ESRRG: variants seen among roughly 807,000 people sequenced by gnomAD.
The protein encoded by ESRRG is estrogen related receptor gamma, also known as estrogen-related receptor gamma.
In ESRRG, 13 loss-of-function variants were observed where a neutral mutation model predicts 44.0. That is an observed-to-expected ratio of 0.30 (90% CI 0.19 to 0.47). The LOEUF (loss-of-function observed/expected upper bound fraction) is 0.47, where lower values mean the gene tolerates loss of function less well. Among genes scored for constraint, ESRRG ranks in the 20% least tolerant of loss-of-function variants. The pLI, the probability that ESRRG is intolerant of heterozygous loss-of-function variation, is 1.00. For synonymous variants in ESRRG, 215 were observed against 214.6 expected, an observed-to-expected ratio of 1.00 and a Z score of -0.02; for missense variants, 395 against 580.6, an observed-to-expected ratio of 0.68 and a Z score of 3.29.
intron 3 of ESRRG, among the ~76,000 whole-genome samples, chr1:216,634,858 A>G (rs2064978829): frequency 6.6e-6 from 1 of 152,236 alleles, no homozygotes; most frequent in East Asian, 1.9e-4. Flanking sequence ...CATTATACAT[A>G]CAGAAAAAGA....
chr1:216,768,373 A>T (rs2093192462), intron 2 of ESRRG, among the ~76,000 whole-genome samples: 7 of 152,160 alleles, frequency 4.6e-5, no homozygotes, highest in Admixed American at 2.6e-4. Flanking sequence ...TCTTGGAGAA[A>T]GGATAAATCA....
At chr1:216,670,689 C>T (rs1222155188) in intron 2 of ESRRG, among the ~76,000 whole-genome samples, 1 of 152,156 alleles carries the variant, frequency 6.6e-6, no homozygotes, top group Non-Finnish European at 1.5e-5. Flanking sequence ...CTAAACTGCC[C>T]TTCTGGTGTG....
At chr1:217,009,018 T>C (rs2078158838) in intron 1 of ESRRG, among the ~76,000 whole-genome samples, 1 of 152,194 alleles carries the variant, frequency 6.6e-6, no homozygotes, top group Non-Finnish European at 1.5e-5. Flanking sequence ...AGAAATTTAT[T>C]TGGAAGCAGT....
intron 2 of ESRRG, among the ~76,000 whole-genome samples, chr1:216,827,483 C>G (rs1193853203): frequency 6.6e-6 from 1 of 152,156 alleles, no homozygotes; most frequent in Non-Finnish European, 1.5e-5. Context: ...GTAATTCAGC[C>G]TCCCCATTTC....
chr1:217,043,649 A>G (rs2084289967), intron 1 of ESRRG, among the ~76,000 whole-genome samples: 1 of 1,108 alleles, frequency 9.0e-4, no homozygotes, highest in African/African-American at 3.9e-3. Flanking sequence ...GCAAAGAATA[A>G]TGGGGATTTT....
At chr1:216,699,418 C>T (rs139489698) in intron 1 of ESRRG, among the ~76,000 whole-genome samples, 72 of 152,210 alleles carry the variant, frequency 4.7e-4, no homozygotes, top group African/African-American at 1.6e-3. Flanking sequence ...ATCATAATAA[C>T]CTGCCGGCTG....
intron 1 of ESRRG, among the ~76,000 whole-genome samples, chr1:217,052,979 C>T (rs916519796): frequency 2.0e-5 from 3 of 151,982 alleles, no homozygotes; most frequent in Non-Finnish European, 2.9e-5. Context: ...TTTCAACTTC[C>T]TTCATTCATT....
chr1:216,905,149 G>A (rs2149520382), intron 2 of ESRRG, among the ~76,000 whole-genome samples: 1 of 152,222 alleles, frequency 6.6e-6, no homozygotes, highest in Middle Eastern at 3.4e-3. Context: ...TCAACACACT[G>A]TCTGTAAGCA....
chr1:217,069,479 A>G (rs2090276669), intron 1 of ESRRG, among the ~76,000 whole-genome samples: 1 of 151,772 alleles, frequency 6.6e-6, no homozygotes. Context: ...CTGTCCCTCT[A>G]GAGAACCCTA....
At chr1:216,577,184 A>G (rs2061838350) in intron 3 of ESRRG, among the ~76,000 whole-genome samples, 1 of 151,988 alleles carries the variant, frequency 6.6e-6, no homozygotes, top group African/African-American at 2.4e-5. Context: ...AGAGAGAGAG[A>G]GAGAACGAGA....
At chr1:216,821,723 A>G (rs2095299470) in intron 2 of ESRRG, among the ~76,000 whole-genome samples, 1 of 148,224 alleles carries the variant, frequency 6.7e-6, no homozygotes, top group Non-Finnish European at 1.5e-5. Context: ...TAAATAAATA[A>G]ATAAATAAAT....
intron 3 of ESRRG, among the ~76,000 whole-genome samples, chr1:216,617,625 A>T (rs183864275): frequency 1.3e-5 from 2 of 152,280 alleles, no homozygotes; most frequent in Admixed American, 1.3e-4. Flanking sequence ...TGTGGTACTT[A>T]AGTCCAACAA....
At chr1:216,970,023 C>T (rs2071315753) in intron 1 of ESRRG, among the ~76,000 whole-genome samples, 1 of 152,148 alleles carries the variant, frequency 6.6e-6, no homozygotes, top group Non-Finnish European at 1.5e-5. Flanking sequence ...ATGAAAGAAT[C>T]ATCACCTTCT....
chr1:216,810,329 G>A lies in ESRRG; in HGVS notation c.-14+129253C>T, dbSNP rs147362757. ...TGCTTATCTATGTTCAGAGCATGCA[G>A]CATTATAAATTAATCCTTACATGAT... On this transcript the variant is annotated intron_variant, in intron 2 of 7. Coordinates refer to the ESRRG transcript ENST00000359162. Among the ~76,000 whole-genome samples the A allele has an allele frequency of 5.3e-5, 8 of 152,146 alleles. No homozygotes were observed. In the East Asian group the frequency reaches 1.2e-3, roughly 22 times the overall value.
intron 2 of ESRRG, among the ~76,000 whole-genome samples, chr1:216,867,902 C>A (rs2096194312): frequency 6.6e-6 from 1 of 151,972 alleles, no homozygotes; most frequent in Admixed American, 6.6e-5. Flanking sequence ...TACTAGCAAT[C>A]CCTTTATAGG....
rs529691107 is a variant in ESRRG at position 216,515,231 on chromosome 1, TATA to T, written c.1132+3918_1132+3920del. Among the ~76,000 whole-genome samples the T allele has an allele frequency of 1.4e-4, 21 of 152,090 alleles. 1 individual carries two copies. The East Asian group carries it at 3.7e-3, about 27-fold the overall frequency. On this transcript the variant is annotated intron_variant, in intron 6 of 6. Coordinates refer to ENST00000408911, the MANE Select transcript of ESRRG (RefSeq NM_001438.4). ...TTTTAGGTAAAATGCGTATATATAATATAATATATATATGCATGGATGTGTGTA... is the reference window on the plus strand; with the variant it reads ...TTTTAGGTAAAATGCGTATATATAATATATATATATGCATGGATGTGTGTA...
intron 2 of ESRRG, among the ~76,000 whole-genome samples, chr1:216,653,068 G>A (rs901188882): frequency 2.6e-5 from 4 of 152,246 alleles, no homozygotes; most frequent in South Asian, 2.1e-4. Context: ...CCTTATCAAG[G>A]CATGAGTGCT....
intron 1 of ESRRG, among the ~76,000 whole-genome samples, chr1:217,048,097 C>T (rs1444023363): frequency 6.6e-6 from 1 of 151,994 alleles, no homozygotes; most frequent in African/African-American, 2.4e-5. Flanking sequence ...CTAGAGGAGC[C>T]CAGAGTAGAG....
chr1:216,708,853 G>A (rs763213213), intron 1 of ESRRG, among the ~76,000 whole-genome samples: 1 of 152,074 alleles, frequency 6.6e-6, no homozygotes, highest in Admixed American at 6.6e-5. Context: ...AGAAAATGTG[G>A]CACATATACA....
Sources: allele counts gnomAD v4.1 joint callset (sites outside exome capture counted in the v4.1 genomes callset), GRCh38; gene constraint gnomAD v4.1.1; transcripts MANE v1.5; gene names NCBI Gene and HGNC (gene_info 2026-07-23, HGNC 2026-07-21).